TMEM161B: variants seen among roughly 807,000 people sequenced by gnomAD.
The protein encoded by TMEM161B is transmembrane protein 161B.
Under a neutral mutation model 61.8 loss-of-function variants are expected in TMEM161B, and 34 were observed. The observed-to-expected ratio is 0.55, with a 90% CI of 0.42 to 0.73. The LOEUF is 0.73. Ranked by LOEUF, TMEM161B falls within the 30% of genes least tolerant of loss-of-function variation. The pLI is 0.00. For missense variants in TMEM161B, 456 were observed against 558.5 expected (o/e 0.82, Z 1.85); for synonymous variants, 167 against 192.8 (o/e 0.87, Z 1.11).
rs552312810 is a variant in TMEM161B, at chr5:88,240,881, C to T, written c.39G>A (p.Val13=). Reference sequence around the variant, plus strand: ...TAATCTTCTGCATGACACTGGCCATCACCATGGTAACAACCAGCTGTATAC... The same window carrying T: ...TAATCTTCTGCATGACACTGGCCATTACCATGGTAACAACCAGCTGTATAC... ...VIGIQLVVTM[V]MASVMQKIIP... The change falls in exon 2 of 12, where the codon GTG becomes GTA. Residue 13 remains valine, a synonymous_variant. Transcript: ENST00000296595. The T allele has an allele frequency of 4.3e-6, 7 of 1,610,486 alleles. No homozygotes were observed. In the African/African-American group the frequency reaches 8.0e-5, roughly 18 times the overall value.
chr5:88,249,799 C>A (rs1224716555), intron 1 of TMEM161B, among the ~76,000 whole-genome samples: 1 of 152,120 alleles, frequency 6.6e-6, no homozygotes, highest in African/African-American at 2.4e-5. Flanking sequence ...CCTTTCAGAT[C>A]AGCTGTTTCA....
rs1240495626 is a variant in TMEM161B at position 88,228,451 on chromosome 5, T to G, written c.185A>C (p.Lys62Thr). The G allele has an allele frequency of 6.2e-7, 1 of 1,603,328 alleles. No individual in the cohort carries two copies. The change falls in exon 3 of 12, where the codon AAA (lysine) becomes ACA (threonine). Residue 62 changes from lysine to threonine, a missense_variant. This residue lies in a region of TMEM161B where 85 missense variants were observed against 111.2 expected (regional missense o/e 0.76). Transcript: ENST00000296595. Reference sequence around the variant, plus strand: ...CAAGCTCAATAAAACTTACCTATCTTTTTTGGTTTTCCCTTTTTGTTGTTT... The same window carrying G: ...CAAGCTCAATAAAACTTACCTATCTGTTTTGGTTTTCCCTTTTTGTTGTTT... ...AGKQQKGKTK[K>T]DRKYNGHIES...
intron 3 of TMEM161B, among the ~76,000 whole-genome samples, chr5:88,226,972 T>TA (rs1750158618): frequency 6.6e-6 from 1 of 151,802 alleles, no homozygotes; most frequent in Non-Finnish European, 1.5e-5. Context: ...TTTTTTTTTT[T>TA]AAAAACTAGC....
intron 5 of TMEM161B, among the ~76,000 whole-genome samples, chr5:88,209,776 CA>C (rs967861462): frequency 3.9e-5 from 6 of 152,276 alleles, no homozygotes; most frequent in Admixed American, 3.3e-4. Flanking sequence ...CAATAGTCCC[CA>C]AATCTCCACC....
chr5:88,189,216 A>T (rs183579433), downstream of TMEM161B, among the ~76,000 whole-genome samples: 13 of 151,896 alleles, frequency 8.6e-5, no homozygotes, highest in East Asian at 1.7e-3. Context: ...GACTATTTTA[A>T]CTTTTTTTTT....
rs545584761 is a variant in TMEM161B at position 88,237,121 on chromosome 5, T to C, written c.107+3692A>G. Among the ~76,000 whole-genome samples, 41 of 152,278 alleles carry C rather than the reference T, an allele frequency of 2.7e-4. No individual in the cohort carries two copies. In the East Asian group the frequency reaches 3.7e-3, roughly 14 times the overall value. On this transcript the variant is annotated intron_variant, in intron 2 of 11. Coordinates refer to ENST00000296595, the MANE Select transcript of TMEM161B (RefSeq NM_153354.5). ...TGAAACTGAGTAAATCATTTAAAAC[T>C]TGTTTTGTCATTTGTAAAAATGGAG...
intron 1 of TMEM161B, among the ~76,000 whole-genome samples, chr5:88,258,490 T>C (rs1328274293): frequency 6.6e-6 from 1 of 152,028 alleles, no homozygotes; most frequent in Non-Finnish European, 1.5e-5. Flanking sequence ...AAACAAACCT[T>C]TCAAGAAAAA....
In TMEM161B at chr5:88,197,712, A is replaced by C. The variant is rs1395211729; in HGVS notation, c.1143T>G (p.Pro381=). The C allele has an allele frequency of 6.2e-7, 1 of 1,613,080 alleles. No individual in the cohort carries two copies. Among genetic ancestry groups the C allele is most frequent in the Non-Finnish European group, 8.5e-7 (1 of 1,179,302 alleles). ...GAGTTGTGTGAAGCAGCATTACCAG[A>C]GGCGCCACATACTGCAGTGCAATGA... ...LCVIALQYVA[P]LVMLLHTTLL... The change falls in exon 11 of 12, where the codon CCT becomes CCG. Residue 381 remains proline, a synonymous_variant. Transcript: ENST00000296595.
chr5:88,215,066 C>G (rs1747570928), intron 5 of TMEM161B, among the ~76,000 whole-genome samples: 1 of 152,164 alleles, frequency 6.6e-6, no homozygotes, highest in East Asian at 1.9e-4. Context: ...ACAAAATGAC[C>G]ATGGAAGTTA....
At chr5:88,187,390 T>C (rs1210050930), downstream of TMEM161B, among the ~76,000 whole-genome samples, 1 of 152,006 alleles carries the variant, frequency 6.6e-6, no homozygotes, top group East Asian at 1.9e-4. Context: ...TTGGATTGTG[T>C]TGAATTTATA....
chr5:88,238,801 C>T (rs1357472437), intron 2 of TMEM161B, among the ~76,000 whole-genome samples: 7 of 151,584 alleles, frequency 4.6e-5, no homozygotes, highest in Non-Finnish European at 2.9e-5. Flanking sequence ...TAATCTTATT[C>T]GATTGAGATA....
chr5:88,257,599 T>C (rs1047679798), intron 1 of TMEM161B, among the ~76,000 whole-genome samples: 4 of 152,210 alleles, frequency 2.6e-5, no homozygotes, highest in African/African-American at 9.6e-5. Context: ...GCAAATGATC[T>C]CCAAAATACC....
intron 8 of TMEM161B, 162 bp downstream of exon 8, chr5:88,205,651 CA>C: frequency 1.4e-6 from 1 of 714,144 alleles, no homozygotes; most frequent in South Asian, 2.4e-5. Flanking sequence ...AATTTAGAAG[CA>C]AATAAAAGAA....
intron 5 of TMEM161B, 122 bp downstream of exon 5, chr5:88,220,441 C>T: frequency 1.2e-6 from 1 of 834,770 alleles, no homozygotes; most frequent in Non-Finnish European, 1.7e-6. Context: ...TTTTCAATTA[C>T]ATAAAAAAGA....
At chr5:88,204,133 AGG>A (rs1357086794) in intron 8 of TMEM161B, among the ~76,000 whole-genome samples, 2 of 151,964 alleles carry the variant, frequency 1.3e-5, no homozygotes, top group Non-Finnish European at 2.9e-5. Flanking sequence ...AACACCTAAC[AGG>A]GAAAGGCAGA....
At chr5:88,252,108 A>T (rs1462970671) in intron 1 of TMEM161B, among the ~76,000 whole-genome samples, 2 of 152,184 alleles carry the variant, frequency 1.3e-5, no homozygotes, top group African/African-American at 4.8e-5. Flanking sequence ...GAATTTTTTT[A>T]AATTGGATAA....
downstream of TMEM161B, among the ~76,000 whole-genome samples, chr5:88,189,421 T>G (rs1225451677): frequency 1.3e-5 from 2 of 152,148 alleles, no homozygotes; most frequent in Non-Finnish European, 2.9e-5. Flanking sequence ...TGGTCTTGCC[T>G]TCTAGGTTTC....
chr5:88,220,697 G>C lies in TMEM161B; in HGVS notation c.312C>G (p.Tyr104Ter). ...DTLALHYFPEYQWLVDFTVAA... is the reference protein window; with the variant it reads ...DTLALHYFPE ...CCACTGTGAAATCCACCAGCCACTG[G>C]TATTCTGGAAAGTAATGCAATGCTG... The change falls in exon 5 of 12, where the codon TAC (tyrosine) becomes TAG (stop). Residue 104 changes from tyrosine (Y) to a stop codon, truncating the protein, a stop_gained. Coordinates refer to ENST00000296595, the MANE Select transcript of TMEM161B (RefSeq NM_153354.5). LOFTEE classifies it high-confidence loss of function. 1.5e-6 allele frequency: 1 copy of C among 652,304 alleles called. No individual in the cohort carries two copies. Among genetic ancestry groups the C allele is most frequent in the Non-Finnish European group, 2.4e-6 (1 of 410,284 alleles). The allele number at this position is 652,304 out of a possible 1,614,324, so 40.4% of individuals were successfully genotyped here.
At chr5:88,214,047 G>A (rs1489676990) in intron 5 of TMEM161B, among the ~76,000 whole-genome samples, 1 of 150,874 alleles carries the variant, frequency 6.6e-6, no homozygotes, top group Non-Finnish European at 1.5e-5. Context: ...TGTTGTAGTT[G>A]TTTATTTCCC....
Sources: gnomAD v4.1 joint callset for allele counts (sites outside exome capture counted in the v4.1 genomes callset) on GRCh38, gnomAD v4.1.1 for gene constraint, gnomAD v4.1.1 regional missense constraint, MANE v1.5 for transcripts, NCBI Gene and HGNC (gene_info 2026-07-23, HGNC 2026-07-21) for gene names.